ERBB4: variants seen among roughly 807,000 people sequenced by gnomAD.
The protein encoded by ERBB4 is receptor tyrosine-protein kinase erbB-4.
ERBB4 carries 42 observed loss-of-function variants against 158.0 expected under a neutral mutation model. The ratio of observed to expected loss-of-function variants is 0.27; its 90% CI spans 0.21 to 0.34. ERBB4 has a LOEUF of 0.34. ERBB4 is among the 10% of genes least tolerant of loss of function. ERBB4 has a pLI of 1.00. For missense variants in ERBB4, 1,333 were observed against 1,624.1 expected (o/e 0.82, Z 3.08); for synonymous variants, 583 against 558.7 (o/e 1.04, Z -0.61).
At chr2:212,311,812 G>C (rs1426886227) in intron 1 of ERBB4, among the ~76,000 whole-genome samples, 1 of 151,008 alleles carries the variant, frequency 6.6e-6, no homozygotes, top group Non-Finnish European at 1.5e-5. Context: ...GAAGAAATTA[G>C]ATGACATCAA....
At chr2:211,646,934 A>G (rs1234992128) in intron 16 of ERBB4, among the ~76,000 whole-genome samples, 1 of 151,698 alleles carries the variant, frequency 6.6e-6, no homozygotes, top group Non-Finnish European at 1.5e-5. Context: ...TGCAAAAATT[A>G]GCCCAGTTTA....
At chr2:212,537,046 C>A (rs1003219545) in intron 1 of ERBB4, among the ~76,000 whole-genome samples, 7 of 152,056 alleles carry the variant, frequency 4.6e-5, no homozygotes, top group Non-Finnish European at 1.0e-4. Context: ...AGGGTGCAAA[C>A]GGCCAGCACA....
chr2:212,065,992 A>G (rs2077935958), intron 2 of ERBB4, among the ~76,000 whole-genome samples: 1 of 151,992 alleles, frequency 6.6e-6, no homozygotes. Flanking sequence ...ATTTTCTCTC[A>G]ATTTGAGTTA....
intron 2 of ERBB4, among the ~76,000 whole-genome samples, chr2:212,079,659 T>C (rs776884222): frequency 6.6e-6 from 1 of 152,116 alleles, no homozygotes; most frequent in African/African-American, 2.4e-5. Flanking sequence ...AATATCATCA[T>C]AGATGCTTCC....
intron 2 of ERBB4, among the ~76,000 whole-genome samples, chr2:212,085,133 T>G (rs2078564616): frequency 6.6e-6 from 1 of 151,956 alleles, no homozygotes; most frequent in African/African-American, 2.4e-5. Context: ...TCTTTAAAAA[T>G]GTGCATGCCC....
chr2:212,424,518 TAA>T (rs1285179904), intron 1 of ERBB4, among the ~76,000 whole-genome samples: 1 of 152,158 alleles, frequency 6.6e-6, no homozygotes, highest in African/African-American at 2.4e-5. Context: ...CAAGGCTATA[TAA>T]AAAAGAGAGC....
At chr2:211,415,954 T>C (rs1398334603) in intron 25 of ERBB4, among the ~76,000 whole-genome samples, 3 of 152,226 alleles carry the variant, frequency 2.0e-5, no homozygotes, top group Admixed American at 1.3e-4. Flanking sequence ...AGAAGTTACA[T>C]TGTGATGATA....
intron 1 of ERBB4, among the ~76,000 whole-genome samples, chr2:212,489,140 TATAAA>T (rs1334992900): frequency 6.6e-6 from 1 of 151,656 alleles, no homozygotes; most frequent in African/African-American, 2.4e-5. Flanking sequence ...AATAGTTAAG[TATAAA>T]ATAAGACAGA....
At chr2:212,533,774 TA>T (rs1281240202) in intron 1 of ERBB4, among the ~76,000 whole-genome samples, 4 of 152,182 alleles carry the variant, frequency 2.6e-5, no homozygotes, top group African/African-American at 9.6e-5. Flanking sequence ...AGAGCATCTC[TA>T]AAATGATATA....
intron 16 of ERBB4, among the ~76,000 whole-genome samples, chr2:211,631,397 A>T (rs1276813425): frequency 6.6e-6 from 1 of 152,218 alleles, no homozygotes; most frequent in Non-Finnish European, 1.5e-5. Flanking sequence ...ACATGTTTTC[A>T]GAATAATGAC....
intron 19 of ERBB4, among the ~76,000 whole-genome samples, chr2:211,596,674 C>CT (rs983142011): frequency 1.3e-5 from 2 of 151,988 alleles, no homozygotes; most frequent in East Asian, 1.9e-4. Context: ...CTCTTGATGA[C>CT]TTTTTTTCCC....
At chr2:211,964,464 G>T (rs562870776) in intron 2 of ERBB4, among the ~76,000 whole-genome samples, 1 of 152,216 alleles carries the variant, frequency 6.6e-6, no homozygotes, top group East Asian at 1.9e-4. Context: ...TGAACTACAA[G>T]AATATTCAAA....
At chr2:212,094,248 TATAATAATAATAAAAA>T (rs555859178) in intron 2 of ERBB4, among the ~76,000 whole-genome samples, 98 of 150,194 alleles carry the variant, frequency 6.5e-4, no homozygotes, top group Admixed American at 3.5e-3. Context: ...GGCTTTAAAG[TATAATAATAATAAAAA>T]ATAATAATAA....
chr2:211,716,569 G>A lies in ERBB4; in HGVS notation c.884-2921C>T, dbSNP rs542851465. Among the ~76,000 whole-genome samples, 396 of 151,806 alleles carry A rather than the reference G, an allele frequency of 2.6e-3. 1 individual carries two copies. Among genetic ancestry groups the A allele is most frequent in the African/African-American group, 8.8e-3 (365 of 41,402 alleles). On this transcript the variant is annotated intron_variant, in intron 7 of 27. Coordinates refer to ENST00000342788, the MANE Select transcript of ERBB4 (RefSeq NM_005235.3). ...CGGGCGCCTGTAGTCCCAGCTACTC[G>A]GGAGGCTGAGGCAGGAGAATGGCGT... is the stretch of plus-strand genomic sequence containing the variant.
At chr2:212,171,246 T>A (rs779084809) in intron 1 of ERBB4, among the ~76,000 whole-genome samples, 5 of 152,130 alleles carry the variant, frequency 3.3e-5, no homozygotes, top group Non-Finnish European at 5.9e-5. Context: ...CCCTATGTTT[T>A]GGCCAATTTC....
chr2:212,303,994 A>G (rs1215590337), intron 1 of ERBB4, among the ~76,000 whole-genome samples: 1 of 151,634 alleles, frequency 6.6e-6, no homozygotes, highest in African/African-American at 2.4e-5. Context: ...GAAGTAGAAA[A>G]TATACTATCT....
At chr2:212,165,224 T>C (rs1289308372) in intron 1 of ERBB4, among the ~76,000 whole-genome samples, 2 of 151,948 alleles carry the variant, frequency 1.3e-5, no homozygotes, top group Admixed American at 1.3e-4. Flanking sequence ...AAGTTGCGAG[T>C]GGGATTCTTT....
chr2:212,351,536 T>C (rs2089251610), intron 1 of ERBB4, among the ~76,000 whole-genome samples: 1 of 152,138 alleles, frequency 6.6e-6, no homozygotes, highest in African/African-American at 2.4e-5. Flanking sequence ...AAAATTTGAG[T>C]TGATCATTCC....
intron 2 of ERBB4, among the ~76,000 whole-genome samples, chr2:212,017,212 AAATAATTTCTT>A (rs1258982708): frequency 4.6e-5 from 7 of 152,276 alleles, no homozygotes; most frequent in African/African-American, 1.4e-4. Context: ...CATTATCTTT[AAATAATTTCTT>A]GGAAAAATAC....
Sources: allele counts gnomAD v4.1 joint callset (sites outside exome capture counted in the v4.1 genomes callset), GRCh38; gene constraint gnomAD v4.1.1; transcripts MANE v1.5; gene names NCBI Gene and HGNC (gene_info 2026-07-23, HGNC 2026-07-21).